Variants in EYS observed in about 807,000 individuals in gnomAD.
The protein encoded by EYS is EGF-like photoreceptor maintenance factor.
In EYS, 250 loss-of-function variants were observed where a neutral mutation model predicts 282.1. The observed-to-expected ratio is 0.89, with a 90% CI of 0.80 to 0.98. EYS has a LOEUF of 0.98. EYS is among the 50% of genes least tolerant of loss of function. The pLI is 0.00. For synonymous variants in EYS, 1,355 were observed against 1,282.9 expected, an observed-to-expected ratio of 1.06 and a Z score of -1.20; for missense variants, 4,016 against 3,709.0, an observed-to-expected ratio of 1.08 and a Z score of -2.15.
intron 34 of EYS, among the ~76,000 whole-genome samples, chr6:63,986,657 T>C (rs1343251787): frequency 6.6e-6 from 1 of 151,810 alleles, no homozygotes; most frequent in Non-Finnish European, 1.5e-5. Flanking sequence ...GCCATTATCC[T>C]CAGCAAACTA....
rs551961110 is a variant in EYS, at chr6:65,006,693, C to G, written c.2138-8990G>C. Among the ~76,000 whole-genome samples the G allele has an allele frequency of 2.0e-5, 3 of 152,182 alleles. No homozygotes were observed. The South Asian group carries it at 6.2e-4, about 32-fold the overall frequency. Reference sequence around the variant, plus strand: ...GTCCGACCAGAGCTAGGAGGAACTCCCTTCAGGACAGGATGATAGATGGTT... The same window carrying G: ...GTCCGACCAGAGCTAGGAGGAACTCGCTTCAGGACAGGATGATAGATGGTT... On this transcript the variant is annotated intron_variant, in intron 13 of 42. Coordinates refer to ENST00000503581, the MANE Select transcript of EYS (RefSeq NM_001142800.2).
intron 1 of EYS, among the ~76,000 whole-genome samples, chr6:65,695,734 C>T (rs138090269): frequency 6.6e-6 from 1 of 151,740 alleles, no homozygotes; most frequent in Non-Finnish European, 1.5e-5. Flanking sequence ...GGTAATATGG[C>T]TCTGTCAAAA....
At chr6:65,025,884 A>G (rs1363667444) in intron 13 of EYS, among the ~76,000 whole-genome samples, 1 of 152,218 alleles carries the variant, frequency 6.6e-6, no homozygotes, top group African/African-American at 2.4e-5. Flanking sequence ...TCCCCAGGGC[A>G]GAGAAACTTC....
intron 2 of EYS, among the ~76,000 whole-genome samples, chr6:65,503,875 T>C (rs1264185483): frequency 1.3e-5 from 2 of 151,746 alleles, no homozygotes; most frequent in Non-Finnish European, 1.5e-5. Flanking sequence ...TGGTTAAGTG[T>C]TGAAATAAGG....
intron 31 of EYS, among the ~76,000 whole-genome samples, chr6:64,125,147 A>ACACTCT (rs1554209958): frequency 1.4e-5 from 2 of 147,152 alleles, no homozygotes; most frequent in South Asian, 2.1e-4. Context: ...ACACACACAC[A>ACACTCT]CTCTCTGTCT....
intron 12 of EYS, among the ~76,000 whole-genome samples, chr6:65,214,857 T>G (rs2150254691): frequency 6.6e-6 from 1 of 152,254 alleles, no homozygotes; most frequent in South Asian, 2.1e-4. Flanking sequence ...AGAAATATGT[T>G]ATTTCTACTC....
intron 12 of EYS, among the ~76,000 whole-genome samples, chr6:65,194,651 T>C (rs1336281759): frequency 1.3e-5 from 2 of 151,836 alleles, no homozygotes; most frequent in South Asian, 2.1e-4. Context: ...CCTTTGTCCA[T>C]TGAAGGGCCT....
At chr6:64,029,730 G>A (rs1769727464) in intron 33 of EYS, among the ~76,000 whole-genome samples, 1 of 152,216 alleles carries the variant, frequency 6.6e-6, no homozygotes, top group Non-Finnish European at 1.5e-5. Context: ...AGTTAGTGAT[G>A]TCACCATACT....
chr6:64,520,586 T>C (rs1777704434), intron 26 of EYS, among the ~76,000 whole-genome samples: 1 of 151,684 alleles, frequency 6.6e-6, no homozygotes, highest in Admixed American at 6.6e-5. Context: ...AGAGGATAAA[T>C]TTACTTCAGA....
chr6:63,887,094 C>T (rs896877630), intron 35 of EYS, among the ~76,000 whole-genome samples: 6 of 152,074 alleles, frequency 3.9e-5, no homozygotes, highest in Admixed American at 1.3e-4. Context: ...AACACATTGA[C>T]AGAACAAGGG....
intron 36 of EYS, among the ~76,000 whole-genome samples, chr6:63,837,641 G>C (rs563797528): frequency 6.6e-5 from 10 of 152,198 alleles, no homozygotes; most frequent in African/African-American, 1.9e-4. Context: ...CAAATCATAA[G>C]TGTACATTCT....
intron 26 of EYS, among the ~76,000 whole-genome samples, chr6:64,524,599 A>G (rs765716448): frequency 3.3e-5 from 5 of 151,752 alleles, no homozygotes; most frequent in Non-Finnish European, 5.9e-5. Context: ...TAGGGTTTTT[A>G]TAGTTTTGGG....
At chr6:63,849,198 C>T (rs1238801069) in intron 36 of EYS, among the ~76,000 whole-genome samples, 4 of 152,284 alleles carry the variant, frequency 2.6e-5, no homozygotes, top group African/African-American at 9.6e-5. Context: ...CAGAGGCTTA[C>T]AGATAAAACT....
intron 26 of EYS, among the ~76,000 whole-genome samples, chr6:64,560,560 A>G (rs1765363333): frequency 6.6e-6 from 1 of 152,126 alleles, no homozygotes; most frequent in South Asian, 2.1e-4. Context: ...ATAGAAAACC[A>G]TCTCACTATT....
At chr6:65,458,212 T>C (rs1162424718) in intron 5 of EYS, among the ~76,000 whole-genome samples, 2 of 152,212 alleles carry the variant, frequency 1.3e-5, no homozygotes, top group Non-Finnish European at 2.9e-5. Flanking sequence ...AATTCAAATC[T>C]GATCATGCAT....
At chr6:65,053,567 C>T (rs1188232377) in intron 13 of EYS, among the ~76,000 whole-genome samples, 1 of 151,644 alleles carries the variant, frequency 6.6e-6, no homozygotes, top group Admixed American at 6.6e-5. Context: ...AACAGAAAGC[C>T]ACAATTAGCT....
At chr6:65,399,961 A>G (rs1276835655) in intron 7 of EYS, among the ~76,000 whole-genome samples, 1 of 152,062 alleles carries the variant, frequency 6.6e-6, no homozygotes, top group Admixed American at 6.6e-5. Flanking sequence ...GTGTTACTGT[A>G]GAGTGTGACT....
chr6:65,579,062 TAAG>T (rs1322545883), intron 2 of EYS, among the ~76,000 whole-genome samples: 1 of 152,176 alleles, frequency 6.6e-6, no homozygotes, highest in East Asian at 1.9e-4. Flanking sequence ...CTGACTGGAT[TAAG>T]TTTTCTTCAA....
intron 5 of EYS, among the ~76,000 whole-genome samples, chr6:65,464,137 C>T (rs751665276): frequency 1.3e-4 from 20 of 152,074 alleles, no homozygotes; most frequent in African/African-American, 1.4e-4. Flanking sequence ...TATGCAATTA[C>T]GCGGTCCCCA....
Sources: gnomAD v4.1 joint callset for allele counts (sites outside exome capture counted in the v4.1 genomes callset) on GRCh38, gnomAD v4.1.1 for gene constraint, MANE v1.5 for transcripts, NCBI Gene and HGNC (gene_info 2026-07-23, HGNC 2026-07-21) for gene names.